The following SF1 variants were observed in gnomAD, a reference collection of about 807,000 sequenced individuals.
SF1 encodes the protein splicing factor 1.
SF1 carries 7 observed loss-of-function variants against 62.5 expected under a neutral mutation model. That is an observed-to-expected ratio of 0.11 (90% confidence interval 0.06 to 0.21). The LOEUF is 0.21. Ranked by LOEUF, SF1 falls within the 10% of genes least tolerant of loss-of-function variation. The pLI is 1.00. For synonymous variants in SF1, 394 were observed against 323.6 expected (o/e 1.22, Z -2.33); for missense variants, 578 against 884.0 (o/e 0.65, Z 4.39).
At chr11:64,777,715 C>G in intron 1 of SF1, 1 of 985,558 alleles carries the variant, frequency 1.0e-6, no homozygotes, top group Non-Finnish European at 1.2e-6. Context: ...TAGTGGGCCC[C>G]CAGTCTATAC....
chr11:64,767,055 C>A lies in SF1; in HGVS notation c.1427G>T (p.Gly476Val). 6.3e-7 allele frequency: 1 copy of A among 1,578,584 alleles called. No individual in the cohort carries two copies. ...AGGCGGCGGCGGCGGCGGCATCATG[C>A]CCATAGGTGGTGGCGGCATCATACC... ...GKGMMPPPPM[G>V]MMPPPPPPPS... The change falls in exon 12 of 13, where the codon GGC becomes GTC. Residue 476 changes from glycine to valine, a missense_variant. Around this residue, in one of 7 missense-constraint regions of SF1, gnomAD observed 410 missense variants for 452.4 expected, o/e 0.91. Transcript: ENST00000377390.
chr11:64,764,786 G>A lies in SF1; in HGVS notation c.*1032C>T, dbSNP rs1301294584. On this transcript the variant is annotated 3_prime_UTR_variant, in exon 13 of 13. Transcript: ENST00000377390. Reference sequence around the variant, plus strand: ...GAGGGAAGCGGGAGGAAAAAGGAAGGAGAATGAACAAGGGGCTCAAACCCC... The same window carrying A: ...GAGGGAAGCGGGAGGAAAAAGGAAGAAGAATGAACAAGGGGCTCAAACCCC... 4 of 152,564 alleles carry A rather than the reference G, an allele frequency of 2.6e-5. No homozygotes were observed. Among genetic ancestry groups the A allele is most frequent in the Non-Finnish European group, 4.4e-5 (3 of 68,094 alleles). 9.5% of individuals were successfully genotyped at this position (152,564 alleles called of 1,614,324 possible). A position where few individuals can be genotyped will look rare whatever the true frequency, so the allele number is the denominator to read the frequency against.
intron 12 of SF1, chr11:64,766,433 G>T: frequency 1.9e-6 from 1 of 515,220 alleles, no homozygotes; most frequent in Non-Finnish European, 3.4e-6. Context: ...GAACAGCTCT[G>T]ATGTCCCTCC....
In SF1 at chr11:64,765,636, C is replaced by T; in HGVS notation, c.*182G>A. On this transcript the variant is annotated 3_prime_UTR_variant, in exon 13 of 13. Transcript: ENST00000377390. ...CCCAAGCTGGCGCCCCTACTACCACCTGCCCGTTCCCAAGCGAATCCTCAG... is the reference window on the plus strand; with the variant it reads ...CCCAAGCTGGCGCCCCTACTACCACTTGCCCGTTCCCAAGCGAATCCTCAG... The T allele has an allele frequency of 3.3e-6, 5 of 1,494,634 alleles. No homozygotes were observed. The highest frequency in any genetic ancestry group is 4.4e-6 in the Non-Finnish European group (5 of 1,130,656). 92.6% of individuals were successfully genotyped at this position (1,494,634 alleles called of 1,614,324 possible).
rs1447739067 is a variant in SF1 at position 64,767,199 on chromosome 11, T to C, written c.1395A>G (p.Gln465=). 1 of 1,614,096 alleles carries C rather than the reference T, an allele frequency of 6.2e-7. No individual in the cohort carries two copies. The highest frequency in any genetic ancestry group is 8.5e-7 in the Non-Finnish European group (1 of 1,179,974). The part of the protein sequence containing the change: ...PVGSGVYRLH[Q]GKGMMPPPPM... ...CCAGCAGACAGCCATTACCTTTTCCTTGATGCAGGCGATAGACCCCAGAGC... is the reference window on the plus strand; with the variant it reads ...CCAGCAGACAGCCATTACCTTTTCCCTGATGCAGGCGATAGACCCCAGAGC... The change falls in exon 11 of 13, where the codon CAA becomes CAG. Residue 465 remains glutamine, a synonymous_variant. Transcript: ENST00000377390.
At chr11:64,767,950 G>GAC in intron 9 of SF1, 106 bp from the exon 10 acceptor site, 2 of 1,481,452 alleles carry the variant, frequency 1.4e-6, no homozygotes. Flanking sequence ...AGGTCTTCCC[G>GAC]AAGTGAGAAG....
intron 3 of SF1, chr11:64,772,339 C>A (rs191828249): frequency 1.0e-6 from 1 of 968,492 alleles, no homozygotes; most frequent in Non-Finnish European, 1.2e-6. Context: ...AAAAAAAAAT[C>A]TTCAAAAAGA....
In SF1 at chr11:64,778,395, C is replaced by G; in HGVS notation, c.-3G>C. ...GTGGCGTTCGCTCCGGTCGCCATGG[C>G]GCCCCCGGGGACAGGCACCGGCACC... On this transcript the variant is annotated 5_prime_UTR_variant, in exon 1 of 13. Transcript: ENST00000377390. 1 of 1,228,480 alleles carries G rather than the reference C, an allele frequency of 8.1e-7. No individual in the cohort carries two copies. Among genetic ancestry groups the G allele is most frequent in the Non-Finnish European group, 1.0e-6 (1 of 984,720 alleles). The allele number at this position is 1,228,480 out of a possible 1,614,324, so 76.1% of individuals were successfully genotyped here.
chr11:64,769,451 T>C lies in SF1; in HGVS notation c.638A>G (p.Glu213Gly), dbSNP rs1565566026. Residue 213 changes from glutamate to glycine, a missense_variant, in exon 6 of 13, where the codon GAG (glutamate) becomes GGG (glycine). Glu to Gly is a moderately conservative substitution (Grantham distance 98). This residue lies in a region of SF1 where 16 missense variants were observed against 59.3 expected (regional missense o/e 0.27). Transcript: ENST00000377390. ...CTGTTCCACTGCCTTTTTGACGTTCTCCATTGTATTGGCAGTAACCAGGGC... is the reference window on the plus strand; with the variant it reads ...CTGTTCCACTGCCTTTTTGACGTTCCCCATTGTATTGGCAGTAACCAGGGC... ...LHALVTANTM[E>G]NVKKAVEQIR... 1 of 1,614,214 alleles carries C rather than the reference T, an allele frequency of 6.2e-7. No homozygotes were observed.
In SF1 at chr11:64,765,621, C is replaced by T; in HGVS notation, c.*197G>A. On this transcript the variant is annotated 3_prime_UTR_variant, in exon 13 of 13. Coordinates refer to ENST00000377390, the MANE Select transcript of SF1 (RefSeq NM_004630.4). ...GGGGCGCCAGGAGAGCCCAAGCTGG[C>T]GCCCCTACTACCACCTGCCCGTTCC... The T allele has an allele frequency of 6.7e-7, 1 of 1,497,462 alleles. No homozygotes were observed. The highest frequency in any genetic ancestry group is 8.8e-7 in the Non-Finnish European group (1 of 1,132,460). 92.8% of individuals were successfully genotyped at this position (1,497,462 alleles called of 1,614,324 possible). A position where few individuals can be genotyped will look rare whatever the true frequency, so the allele number is the denominator to read the frequency against.
At chr11:64,773,579 TCAA>T in intron 2 of SF1, 74 bp from the exon 3 acceptor site, 13 of 1,506,740 alleles carry the variant, frequency 8.6e-6, no homozygotes, top group Non-Finnish European at 1.2e-5. Flanking sequence ...ATCTCAAATC[TCAA>T]CAACAAGCAT....
intron 2 of SF1, 43 bp downstream of exon 2, chr11:64,776,455 G>A (rs530657239): frequency 1.5e-5 from 23 of 1,558,348 alleles, no homozygotes; most frequent in Admixed American, 2.0e-5. Context: ...AGAATAAATC[G>A]TAACAATCTC....
At position 64,765,682 on chromosome 11, in the gene SF1, C is replaced by T. The variant is rs2135869396; in HGVS notation, c.*136G>A. On this transcript the variant is annotated 3_prime_UTR_variant, in exon 13 of 13. Coordinates refer to ENST00000377390, the MANE Select transcript of SF1 (RefSeq NM_004630.4). ...CTCAGTCGCTTGGCCCAGCCCAGTG[C>T]GTGCACACACACACATGCGTGCACA... The T allele has an allele frequency of 1.4e-6, 2 of 1,468,000 alleles. No homozygotes were observed. The highest frequency in any genetic ancestry group is 1.8e-6 in the Non-Finnish European group (2 of 1,113,336). 90.9% of individuals were successfully genotyped at this position (1,468,000 alleles called of 1,614,324 possible). A position where few individuals can be genotyped will look rare whatever the true frequency, so the allele number is the denominator to read the frequency against.
intron 12 of SF1, 83 bp from the exon 13 acceptor site, chr11:64,766,238 G>C (rs1463199280): frequency 2.2e-6 from 2 of 903,380 alleles, no homozygotes; most frequent in African/African-American, 1.7e-5. Context: ...ATGGGGGCGA[G>C]GGGCGCCTGC....
chr11:64,771,822 ATTATC>A (rs1429905418), intron 3 of SF1: 2 of 985,278 alleles, frequency 2.0e-6, no homozygotes, highest in East Asian at 1.1e-4. Flanking sequence ...TTTTTAAGAA[ATTATC>A]TTAATTAAGA....
chr11:64,772,268 G>A (rs1938441602), intron 3 of SF1: 4 of 983,834 alleles, frequency 4.1e-6, no homozygotes, highest in South Asian at 9.4e-5. Flanking sequence ...TTATTAAAGG[G>A]AAAAAGGCCA....
At chr11:64,768,979 C>G in intron 8 of SF1, 43 bp downstream of exon 8, 1 of 1,331,898 alleles carries the variant, frequency 7.5e-7, no homozygotes, top group South Asian at 1.2e-5. Flanking sequence ...AGTTGTCCTG[C>G]ACATCGCAGG....
At chr11:64,771,214 A>C (rs71583712) in intron 3 of SF1, among the ~76,000 whole-genome samples, 1 of 152,178 alleles carries the variant, frequency 6.6e-6, no homozygotes, top group Non-Finnish European at 1.5e-5. Flanking sequence ...TCTCTCTCTC[A>C]TTTTTTTAAG....
In SF1 at chr11:64,765,109, T is replaced by C. The variant is rs1357088456; in HGVS notation, c.*709A>G. ...AACCCCACGCTTTAAACAAACATCT[T>C]TGGGGGTGGCTATGGCACCTTGAAA... On this transcript the variant is annotated 3_prime_UTR_variant, in exon 13 of 13. Transcript: ENST00000377390. 9.5e-6 allele frequency: 2 copies of C among 211,216 alleles called. No homozygotes were observed. Among genetic ancestry groups the C allele is most frequent in the Non-Finnish European group, 1.9e-5 (2 of 106,466 alleles). The allele number at this position is 211,216 out of a possible 1,614,324, so 13.1% of individuals were successfully genotyped here.
Sources: gnomAD v4.1 joint callset for allele counts (sites outside exome capture counted in the v4.1 genomes callset) on GRCh38, gnomAD v4.1.1 for gene constraint, gnomAD v4.1.1 regional missense constraint, MANE v1.5 for transcripts, NCBI Gene and HGNC (gene_info 2026-07-23, HGNC 2026-07-21) for gene names.